The following SLC24A4 variants were observed in gnomAD, a reference collection of about 807,000 sequenced individuals.
SLC24A4 encodes the protein solute carrier family 24 member 4, also known as sodium/potassium/calcium exchanger 4.
SLC24A4 carries 53 observed loss-of-function variants against 79.0 expected under a neutral mutation model. The ratio of observed to expected loss-of-function variants is 0.67; its 90% CI spans 0.54 to 0.84. SLC24A4 has a LOEUF of 0.84. Ranked by LOEUF, SLC24A4 falls within the 40% of genes least tolerant of loss-of-function variation. The pLI, the probability that SLC24A4 is intolerant of heterozygous loss-of-function variation, is 0.00. For missense variants in SLC24A4, 731 were observed against 822.0 expected (o/e 0.89, Z 1.35); for synonymous variants, 323 against 323.8 (o/e 1.00, Z 0.03).
At chr14:92,417,596 T>G (rs181173948) in intron 2 of SLC24A4, among the ~76,000 whole-genome samples, 157 of 152,342 alleles carry the variant, frequency 1.0e-3, no homozygotes, top group African/African-American at 3.7e-3. Context: ...TCCTGGGCCT[T>G]CCCATTCACT....
chr14:92,356,859 T>C (rs572767152), intron 2 of SLC24A4, among the ~76,000 whole-genome samples: 1 of 152,324 alleles, frequency 6.6e-6, no homozygotes, highest in South Asian at 2.1e-4. Flanking sequence ...TCCCTGAGGA[T>C]CTAACACTAA....
intron 12 of SLC24A4, among the ~76,000 whole-genome samples, chr14:92,468,342 A>G (rs1476122662): frequency 6.6e-6 from 1 of 152,210 alleles, no homozygotes; most frequent in Non-Finnish European, 1.5e-5. Context: ...TAGTCCTCAG[A>G]TTGATCAGAT....
At chr14:92,420,677 C>T (rs1891226322) in intron 2 of SLC24A4, among the ~76,000 whole-genome samples, 1 of 152,218 alleles carries the variant, frequency 6.6e-6, no homozygotes, top group Non-Finnish European at 1.5e-5. Context: ...TCACAGGCTA[C>T]TGGCCATACG....
chr14:92,322,940 A>T (rs1884871999), upstream of SLC24A4, among the ~76,000 whole-genome samples: 1 of 152,136 alleles, frequency 6.6e-6, no homozygotes, highest in Non-Finnish European at 1.5e-5. Context: ...CTCAGAGGGT[A>T]AAGGAAGGGC....
intron 14 of SLC24A4, among the ~76,000 whole-genome samples, 180 bp downstream of exon 14, chr14:92,486,960 T>C (rs1280212060): frequency 6.6e-6 from 1 of 152,150 alleles, no homozygotes; most frequent in Non-Finnish European, 1.5e-5. Flanking sequence ...ACAGAGAGAA[T>C]GCTACCAAGA....
chr14:92,420,835 C>T (rs1187519282), intron 2 of SLC24A4, among the ~76,000 whole-genome samples: 1 of 152,094 alleles, frequency 6.6e-6, no homozygotes, highest in African/African-American at 2.4e-5. Context: ...GGGCCTGTCC[C>T]TGAGTAAATT....
intron 2 of SLC24A4, among the ~76,000 whole-genome samples, chr14:92,350,002 A>G (rs1048751020): frequency 1.3e-5 from 2 of 152,226 alleles, no homozygotes; most frequent in African/African-American, 2.4e-5. Flanking sequence ...ACCAGAAGGA[A>G]TCATTTGGGG....
Position 92,491,647 on chromosome 14 carries a change from T to G in SLC24A4, c.1538-18T>G, listed in dbSNP as rs138603597. 2 of 1,543,212 alleles carry G rather than the reference T, an allele frequency of 1.3e-6. No individual in the cohort carries two copies. Among genetic ancestry groups the G allele is most frequent in the African/African-American group, 2.7e-5 (2 of 73,588 alleles). ...GTGACCTGCTCTTATAAAATAAATG[T>G]GTTGTTGTCCCCTGCAGGCCTTGGG... is the stretch of plus-strand genomic sequence containing the variant. On this transcript the variant is annotated intron_variant, in intron 14 of 16. Transcript: ENST00000532405.
intron 12 of SLC24A4, among the ~76,000 whole-genome samples, chr14:92,480,749 T>G (rs1895021445): frequency 6.6e-6 from 1 of 152,188 alleles, no homozygotes; most frequent in African/African-American, 2.4e-5. Context: ...TTTAGGAGTA[T>G]GTTATTTCAT....
intron 2 of SLC24A4, among the ~76,000 whole-genome samples, chr14:92,342,575 G>A (rs1886224922): frequency 6.6e-6 from 1 of 152,012 alleles, no homozygotes; most frequent in African/African-American, 2.4e-5. Context: ...TAGAGATGGA[G>A]TTTTGCCATG....
At chr14:92,410,546 A>G (rs955043595) in intron 2 of SLC24A4, among the ~76,000 whole-genome samples, 1 of 152,190 alleles carries the variant, frequency 6.6e-6, no homozygotes, top group Non-Finnish European at 1.5e-5. Context: ...AGAGAGTGTC[A>G]TAGTTTTGGT....
intron 2 of SLC24A4, among the ~76,000 whole-genome samples, chr14:92,337,800 C>T (rs937526395): frequency 2.6e-5 from 4 of 152,152 alleles, no homozygotes; most frequent in Non-Finnish European, 5.9e-5. Flanking sequence ...TTGTGTTAAT[C>T]TCCGTAAGGT....
chr14:92,374,023 T>C (rs1472939909), intron 2 of SLC24A4, among the ~76,000 whole-genome samples: 1 of 152,258 alleles, frequency 6.6e-6, no homozygotes, highest in Non-Finnish European at 1.5e-5. Context: ...GAGACTCTTT[T>C]TCAAATGATA....
At chr14:92,466,002 T>C (rs1167052027) in intron 12 of SLC24A4, among the ~76,000 whole-genome samples, 3 of 152,218 alleles carry the variant, frequency 2.0e-5, no homozygotes, top group Non-Finnish European at 2.9e-5. Context: ...CTGCTTTCTA[T>C]TGGGCTTCTC....
intron 2 of SLC24A4, among the ~76,000 whole-genome samples, chr14:92,397,577 A>C (rs768532690): frequency 6.6e-6 from 1 of 152,178 alleles, no homozygotes; most frequent in Non-Finnish European, 1.5e-5. Flanking sequence ...TTAAATTGGC[A>C]CACAGCGGGA....
chr14:92,396,717 ATACTC>A (rs779949040), intron 2 of SLC24A4, among the ~76,000 whole-genome samples: 10 of 152,120 alleles, frequency 6.6e-5, no homozygotes, highest in Non-Finnish European at 1.5e-4. Context: ...GCCCAATTTT[ATACTC>A]TACTTTTCCA....
chr14:92,472,869 T>C (rs1253996577), intron 12 of SLC24A4, among the ~76,000 whole-genome samples: 1 of 152,178 alleles, frequency 6.6e-6, no homozygotes, highest in Non-Finnish European at 1.5e-5. Flanking sequence ...CCACACTGTT[T>C]TCCATAGTGG....
intron 12 of SLC24A4, among the ~76,000 whole-genome samples, chr14:92,466,964 A>G (rs1894163994): frequency 6.6e-6 from 1 of 152,212 alleles, no homozygotes; most frequent in African/African-American, 2.4e-5. Flanking sequence ...TGTGAAAACA[A>G]CCTCTGAGGT....
chr14:92,442,200 A>G (rs910970571), intron 5 of SLC24A4, 27 bp downstream of exon 5: 1 of 1,596,240 alleles, frequency 6.3e-7, no homozygotes, highest in African/African-American at 1.3e-5. Flanking sequence ...AGCCTGAGAC[A>G]CAGGATCTAG....
Sources: allele counts gnomAD v4.1 joint callset (sites outside exome capture counted in the v4.1 genomes callset), GRCh38; gene constraint gnomAD v4.1.1; transcripts MANE v1.5; gene names NCBI Gene and HGNC (gene_info 2026-07-23, HGNC 2026-07-21).